The following HPX variants were observed in gnomAD, a reference collection of about 807,000 sequenced individuals.
HPX encodes the protein beta-1B-glycoprotein.
In HPX, 42 loss-of-function variants were observed where a neutral mutation model predicts 53.8. The ratio of observed to expected loss-of-function variants is 0.78; its 90% confidence interval spans 0.61 to 1.01. The LOEUF is 1.01. HPX is among the 50% of genes least tolerant of loss of function. The pLI, the probability that HPX is intolerant of heterozygous loss-of-function variation, is 0.00. For synonymous variants in HPX, 229 were observed against 221.1 expected (o/e 1.04, Z -0.32); for missense variants, 547 against 594.3 (o/e 0.92, Z 0.83).
chr11:6,438,208 C>A, intron 5 of HPX, 148 bp downstream of exon 5: 1 of 781,700 alleles, frequency 1.3e-6, no homozygotes. Context: ...CACGTGACCT[C>A]TAGACCATAC....
intron 7 of HPX, among the ~76,000 whole-genome samples, chr11:6,435,189 C>T (rs1040988749): frequency 1.3e-5 from 2 of 152,090 alleles, no homozygotes; most frequent in East Asian, 1.9e-4. Context: ...GCAGGAGGAT[C>T]GCTTGAACCC....
intron 7 of HPX, among the ~76,000 whole-genome samples, chr11:6,432,789 A>G (rs1474997919): frequency 6.6e-6 from 1 of 151,926 alleles, no homozygotes; most frequent in Non-Finnish European, 1.5e-5. Flanking sequence ...CTTTTCTTCA[A>G]CCTGATATCT....
chr11:6,433,048 AAC>A (rs1170670142), intron 7 of HPX, among the ~76,000 whole-genome samples: 4 of 152,230 alleles, frequency 2.6e-5, no homozygotes, highest in African/African-American at 7.2e-5. Flanking sequence ...GCCCCCCACC[AAC>A]ACACACACTC....
At chr11:6,432,103 G>T in intron 7 of HPX, 86 bp from the exon 8 acceptor site, 1 of 1,473,318 alleles carries the variant, frequency 6.8e-7, no homozygotes, top group Non-Finnish European at 9.4e-7. Flanking sequence ...AATGAGTCAT[G>T]AGAGGGAGAG....
In HPX at chr11:6,437,611, T is replaced by C; in HGVS notation, c.532A>G (p.Lys178Glu). 6.2e-7 allele frequency: 1 copy of C among 1,614,204 alleles called. No homozygotes were observed. Among genetic ancestry groups the C allele is most frequent in the South Asian group, 1.1e-5 (1 of 91,084 alleles). ...WFWDLATGTMKERSWPAVGNC... is the reference protein window; with the variant it reads ...WFWDLATGTMEERSWPAVGNC... ...CCAACAGCTGGCCAGGAACGCTCCT[T>C]CATGGTTCCCGTAGCCAAGTCCCAG... The change falls in exon 6 of 10, where the codon AAG becomes GAG. Residue 178 changes from lysine to glutamate, a missense_variant. Transcript: ENST00000265983.
chr11:6,437,796 C>A, intron 5 of HPX, 144 bp from the exon 6 acceptor site: 2 of 659,732 alleles, frequency 3.0e-6, no homozygotes, highest in South Asian at 1.8e-5. Context: ...GGAGGGTGAT[C>A]ATACACCAAA....
chr11:6,433,950 C>A (rs1296716928), intron 7 of HPX, among the ~76,000 whole-genome samples: 4 of 152,214 alleles, frequency 2.6e-5, no homozygotes, highest in Non-Finnish European at 5.9e-5. Context: ...GCTCAAAAAT[C>A]ATTTCTTCAG....
Position 6,431,123 on chromosome 11 carries a change from G to C in HPX, c.*88C>G. On this transcript the variant is annotated 3_prime_UTR_variant, in exon 10 of 10. Transcript: ENST00000265983. ...GGCCAGGCCAGACTCATGTCAGAAG[G>C]CCCCTCAGTGAGAAGCGAAGAAGCA... 1 of 1,542,540 alleles carries C rather than the reference G, an allele frequency of 6.5e-7. No individual in the cohort carries two copies. The highest frequency in any genetic ancestry group is 8.8e-7 in the Non-Finnish European group (1 of 1,137,194).
rs571595575 is a variant in HPX, at chr11:6,432,188, G to A, written c.836-171C>T. The A allele has an allele frequency of 3.4e-4, 239 of 696,170 alleles. 2 individuals carry two copies. The highest frequency in any genetic ancestry group is 5.4e-4 in the Non-Finnish European group (225 of 419,890). The allele number at this position is 696,170 out of a possible 1,614,324, so 43.1% of individuals were successfully genotyped here. A position where few individuals can be genotyped will look rare whatever the true frequency, so the allele number is the denominator to read the frequency against. The stretch of plus-strand genomic sequence containing the variant: ...GAGCAAGACTTGGTCAGCAATGTTG[G>A]GCACTGTGCCCTGGCTGAAACTGGA... On this transcript the variant is annotated intron_variant, in intron 7 of 9. Transcript: ENST00000265983.
chr11:6,434,871 A>G (rs1283468167), intron 7 of HPX, among the ~76,000 whole-genome samples: 1 of 152,032 alleles, frequency 6.6e-6, no homozygotes, highest in Non-Finnish European at 1.5e-5. Context: ...GTAGTGAGAA[A>G]GTGGAGAGAA....
intron 7 of HPX, among the ~76,000 whole-genome samples, chr11:6,436,337 C>T (rs1005358295): frequency 1.3e-5 from 2 of 152,192 alleles, no homozygotes; most frequent in Non-Finnish European, 2.9e-5. Context: ...GTTGCTCACT[C>T]CTCTTGGGGA....
intron 2 of HPX, 49 bp from the exon 3 acceptor site, chr11:6,440,587 A>AC (rs1849470838): frequency 6.8e-7 from 1 of 1,477,716 alleles, no homozygotes. Flanking sequence ...AAAAAAAAAA[A>AC]AAAAAAAAAA....
intron 7 of HPX, among the ~76,000 whole-genome samples, chr11:6,432,624 G>A (rs1287988055): frequency 1.3e-5 from 2 of 152,192 alleles, no homozygotes; most frequent in South Asian, 2.1e-4. Context: ...TCCAATTTGC[G>A]AAATCTCATG....
chr11:6,435,636 G>A (rs1849407294), intron 7 of HPX, among the ~76,000 whole-genome samples: 1 of 152,034 alleles, frequency 6.6e-6, no homozygotes. Context: ...TTGTAGAGAT[G>A]AGGTTTTGCC....
chr11:6,437,715 C>T, intron 5 of HPX, 63 bp from the exon 6 acceptor site: 1 of 1,361,928 alleles, frequency 7.3e-7, no homozygotes, highest in Non-Finnish European at 1.0e-6. Context: ...TGTGCTTTCT[C>T]TGGGTCCCAG....
At chr11:6,440,770 G>C in intron 1 of HPX, 40 bp from the exon 2 acceptor site, 1 of 1,601,896 alleles carries the variant, frequency 6.2e-7, no homozygotes, top group Non-Finnish European at 8.6e-7. Flanking sequence ...CATTGGGACC[G>C]ATCCCTTTCC....
rs1417215792 is a variant in HPX, at chr11:6,440,231, C to T, written c.270G>A (p.Trp90Ter). The change falls in exon 4 of 10, where the codon TGG (tryptophan) becomes TGA (stop). Residue 90 changes from tryptophan to a stop codon, truncating the protein, a stop_gained. Transcript: ENST00000265983. LOFTEE classifies it high-confidence loss of function. ...KWDRELISER[W>*]KNFPSPVDAA... ...CATCCACAGGGCTGGGGAAATTCTT[C>T]CATCTCTCTGAGATTAACTCCCGGT... 5.6e-6 allele frequency: 9 copies of T among 1,614,088 alleles called. No individual in the cohort carries two copies. Among genetic ancestry groups the T allele is most frequent in the South Asian group, 2.2e-5 (2 of 91,060 alleles).
rs139654472 is a variant in HPX at position 6,437,521 on chromosome 11, G to T, written c.622C>A (p.Arg208Ser). The T allele has an allele frequency of 1.9e-6, 3 of 1,614,178 alleles. No individual in the cohort carries two copies. The highest frequency in any genetic ancestry group is 1.6e-4 in the Middle Eastern group (1 of 6,062). The change falls in exon 6 of 10, where the codon CGC becomes AGC. Residue 208 changes from arginine (R) to serine (S), a missense_variant. Arg to Ser is a moderately radical substitution (Grantham distance 110, BLOSUM62 -1). Coordinates refer to ENST00000265983, the MANE Select transcript of HPX (RefSeq NM_000613.3). ...YYCFQGNQFLRFDPVRGEVPP... is the reference protein window; with the variant it reads ...YYCFQGNQFLSFDPVRGEVPP... ...ACCTCTCCCCTGACAGGGTCGAAGCGCAGGAATTGGTTACCCTGGAAGCAG... is the reference window on the plus strand; with the variant it reads ...ACCTCTCCCCTGACAGGGTCGAAGCTCAGGAATTGGTTACCCTGGAAGCAG...
In HPX at chr11:6,437,654, T is replaced by G; in HGVS notation, c.491-2A>C. ...AGTCCCAGAACCACTCGCGGTCACC[T>G]TTGTCCAATCAATCAACAGGCATTT... is the stretch of plus-strand genomic sequence containing the variant. On this transcript the variant is annotated splice_acceptor_variant, in intron 5 of 9. Transcript: ENST00000265983. LOFTEE classifies it high-confidence loss of function. 6.2e-7 allele frequency: 1 copy of G among 1,613,406 alleles called. No homozygotes were observed.
Sources: gnomAD v4.1 joint callset for allele counts (sites outside exome capture counted in the v4.1 genomes callset) on GRCh38, gnomAD v4.1.1 for gene constraint, MANE v1.5 for transcripts, NCBI Gene and HGNC (gene_info 2026-07-23, HGNC 2026-07-21) for gene names.